Variants in LINGO2 observed in about 807,000 individuals in gnomAD.
LINGO2 encodes leucine rich repeat and Ig domain containing 2.
Under a neutral mutation model 30.6 loss-of-function variants are expected in LINGO2, and 14 were observed. That is an observed-to-expected ratio of 0.46 (90% confidence interval 0.30 to 0.72). The LOEUF (loss-of-function observed/expected upper bound fraction) is 0.72, where lower values mean the gene tolerates loss of function less well. LINGO2 is among the 30% of genes least tolerant of loss of function. LINGO2 has a pLI of 0.07. For synonymous variants in LINGO2, 317 were observed against 288.5 expected, an observed-to-expected ratio of 1.10 and a Z score of -1.00; for missense variants, 729 against 751.7, an observed-to-expected ratio of 0.97 and a Z score of 0.35.
At chr9:28,094,786 A>AC (rs1826197256) in intron 4 of LINGO2, among the ~76,000 whole-genome samples, 1 of 151,184 alleles carries the variant, frequency 6.6e-6, no homozygotes, top group African/African-American at 2.4e-5. Flanking sequence ...TCTGTACCAT[A>AC]CTTTTTTTCC....
At chr9:28,706,071 T>G in the LINGO2 span, among the ~76,000 whole-genome samples, 2 of 152,132 alleles carry the variant, frequency 1.3e-5, no homozygotes, top group Non-Finnish European at 2.9e-5. Context: ...GCACAAATCT[T>G]CTGTATACCA....
intron 4 of LINGO2, among the ~76,000 whole-genome samples, chr9:28,213,207 C>G (rs564733766): frequency 6.6e-6 from 1 of 151,438 alleles, no homozygotes; most frequent in African/African-American, 2.4e-5. Flanking sequence ...ATTAGTCATC[C>G]TCATTAAATG....
chr9:28,572,205 A>C (rs531372488), intron 1 of LINGO2, among the ~76,000 whole-genome samples: 42 of 152,154 alleles, frequency 2.8e-4, no homozygotes, highest in Middle Eastern at 3.4e-3. Context: ...AAATTCCACA[A>C]GGCAACTATC....
At chr9:29,026,170 C>A in the LINGO2 span, among the ~76,000 whole-genome samples, 4 of 151,992 alleles carry the variant, frequency 2.6e-5, no homozygotes, top group Non-Finnish European at 5.9e-5. Flanking sequence ...GTAACTGGGA[C>A]TACAGGCGCA....
the LINGO2 span, among the ~76,000 whole-genome samples, chr9:28,871,454 G>C: frequency 6.6e-6 from 1 of 151,666 alleles, no homozygotes; most frequent in East Asian, 1.9e-4. Context: ...GCAGTAGAAA[G>C]GAGATTTCAA....
intron 4 of LINGO2, among the ~76,000 whole-genome samples, chr9:28,015,277 T>C (rs1051775783): frequency 3.9e-5 from 6 of 152,174 alleles, no homozygotes; most frequent in African/African-American, 1.4e-4. Flanking sequence ...AAGCAGGCCT[T>C]ACATTACAAA....
chr9:28,875,064 T>A, the LINGO2 span, among the ~76,000 whole-genome samples: 1 of 152,084 alleles, frequency 6.6e-6, no homozygotes. Flanking sequence ...CAGCTTGGCC[T>A]TGAAAAACAC....
chr9:28,221,859 A>G (rs772275434), intron 4 of LINGO2, among the ~76,000 whole-genome samples: 4 of 152,196 alleles, frequency 2.6e-5, no homozygotes, highest in Non-Finnish European at 2.9e-5. Flanking sequence ...CCAACAGGAT[A>G]TACTAATTTC....
chr9:28,030,485 C>T (rs190330475), intron 4 of LINGO2, among the ~76,000 whole-genome samples: 1 of 152,186 alleles, frequency 6.6e-6, no homozygotes, highest in Admixed American at 6.5e-5. Flanking sequence ...TTAAAAGGTC[C>T]AGAGACACTT....
At chr9:28,452,419 TATG>T (rs1824683165) in intron 2 of LINGO2, among the ~76,000 whole-genome samples, 1 of 151,826 alleles carries the variant, frequency 6.6e-6, no homozygotes, top group Admixed American at 6.6e-5. Context: ...CTCTGCATAT[TATG>T]AAGTCTACTC....
At chr9:28,726,347 A>G in the LINGO2 span, among the ~76,000 whole-genome samples, 18 of 152,168 alleles carry the variant, frequency 1.2e-4, 1 homozygote, top group African/African-American at 4.3e-4. Flanking sequence ...GGAAAATAAT[A>G]AGTTGCAACA....
chr9:28,180,417 A>G (rs1828879208), intron 4 of LINGO2, among the ~76,000 whole-genome samples: 1 of 152,194 alleles, frequency 6.6e-6, no homozygotes, highest in Non-Finnish European at 1.5e-5. Context: ...AAGTGTGTGA[A>G]TGACATTACA....
intron 4 of LINGO2, among the ~76,000 whole-genome samples, chr9:28,078,139 T>G (rs113396963): frequency 0.011 from 1,635 of 149,414 alleles, 200 homozygotes; most frequent in South Asian, 0.057. Context: ...CCTATTTATA[T>G]TCCATCATTT....
chr9:28,126,264 C>T (rs1431085040), intron 4 of LINGO2, among the ~76,000 whole-genome samples: 1 of 152,058 alleles, frequency 6.6e-6, no homozygotes, highest in Non-Finnish European at 1.5e-5. Context: ...TTGGCTACTA[C>T]AAAAACATAA....
chr9:28,265,233 C>T (rs1230997747), intron 4 of LINGO2, among the ~76,000 whole-genome samples: 1 of 151,816 alleles, frequency 6.6e-6, no homozygotes, highest in Non-Finnish European at 1.5e-5. Context: ...CTGGACAACC[C>T]TGATGGATAC....
At chr9:29,161,478 T>C in the LINGO2 span, among the ~76,000 whole-genome samples, 1 of 152,186 alleles carries the variant, frequency 6.6e-6, no homozygotes, top group Admixed American at 6.5e-5. Context: ...ACCCCTAGTA[T>C]CCTATGAATG....
the LINGO2 span, among the ~76,000 whole-genome samples, chr9:29,056,641 T>C: frequency 6.6e-6 from 1 of 152,168 alleles, no homozygotes; most frequent in Non-Finnish European, 1.5e-5. Flanking sequence ...GCTTTTGGGT[T>C]CTTGGTCATG....
At chr9:29,095,929 C>G in the LINGO2 span, among the ~76,000 whole-genome samples, 2 of 136,790 alleles carry the variant, frequency 1.5e-5, 1 homozygote, top group Non-Finnish European at 3.2e-5. Context: ...GGAGTGATAC[C>G]AAGGAATGAG....
chr9:28,882,990 A>G, the LINGO2 span, among the ~76,000 whole-genome samples: 1 of 152,206 alleles, frequency 6.6e-6, no homozygotes, highest in Non-Finnish European at 1.5e-5. Context: ...ATAAACACAC[A>G]TACACAAATG....
Sources: gnomAD v4.1 joint callset for allele counts (sites outside exome capture counted in the v4.1 genomes callset) on GRCh38, gnomAD v4.1.1 for gene constraint, MANE v1.5 for transcripts, NCBI Gene and HGNC (gene_info 2026-07-23, HGNC 2026-07-21) for gene names.